Variants in ARB2A observed in about 807,000 individuals in gnomAD.
ARB2A encodes the protein ARB2 cotranscriptional regulator A.
chr5:93,750,789 T>C, the ARB2A span, among the ~76,000 whole-genome samples: 2 of 152,128 alleles, frequency 1.3e-5, no homozygotes, highest in African/African-American at 2.4e-5. Context: ...CCTCCCGAAG[T>C]GCTATGATAA....
At chr5:93,767,016 A>G in the ARB2A span, among the ~76,000 whole-genome samples, 1 of 134,610 alleles carries the variant, frequency 7.4e-6, no homozygotes, top group Non-Finnish European at 1.6e-5. Context: ...AGGAAGGGGA[A>G]CATCACACAC....
At chr5:93,774,489 A>G in the ARB2A span, among the ~76,000 whole-genome samples, 1 of 152,210 alleles carries the variant, frequency 6.6e-6, no homozygotes, top group Non-Finnish European at 1.5e-5. Flanking sequence ...CAGAATGGTG[A>G]AAAATTTGAG....
chr5:93,745,953 T>G, the ARB2A span, among the ~76,000 whole-genome samples: 698 of 152,222 alleles, frequency 4.6e-3, 6 homozygotes, highest in African/African-American at 0.016. Flanking sequence ...GACTAGATAC[T>G]GGGAACACCC....
the ARB2A span, among the ~76,000 whole-genome samples, chr5:94,042,034 T>G: frequency 6.6e-6 from 1 of 152,042 alleles, no homozygotes; most frequent in African/African-American, 2.4e-5. Flanking sequence ...GAAAGTGAAA[T>G]GTGTTTCTGA....
At chr5:93,975,259 G>A in the ARB2A span, among the ~76,000 whole-genome samples, 1 of 148,574 alleles carries the variant, frequency 6.7e-6, no homozygotes, top group East Asian at 2.0e-4. Flanking sequence ...GGAGCTTGCA[G>A]TGATCCGAGA....
the ARB2A span, among the ~76,000 whole-genome samples, chr5:93,860,309 C>T: frequency 3.9e-5 from 6 of 151,922 alleles, no homozygotes; most frequent in African/African-American, 1.2e-4. Context: ...AATAAAGAAT[C>T]TTATACTATA....
the ARB2A span, among the ~76,000 whole-genome samples, chr5:93,895,303 G>A: frequency 6.6e-6 from 1 of 152,280 alleles, no homozygotes; most frequent in South Asian, 2.1e-4. Context: ...TGCTTTCCGA[G>A]TCTTCCAAGT....
At chr5:94,069,574 A>T in the ARB2A span, among the ~76,000 whole-genome samples, 2 of 152,212 alleles carry the variant, frequency 1.3e-5, no homozygotes, top group African/African-American at 4.8e-5. Flanking sequence ...CAAGGAAATC[A>T]AACAATTCAG....
At chr5:93,641,452 T>C in the ARB2A span, among the ~76,000 whole-genome samples, 1 of 152,132 alleles carries the variant, frequency 6.6e-6, no homozygotes, top group Non-Finnish European at 1.5e-5. Flanking sequence ...AAGATTAATA[T>C]GGAGGAATAA....
the ARB2A span, among the ~76,000 whole-genome samples, chr5:94,081,083 A>G: frequency 6.6e-6 from 1 of 152,248 alleles, no homozygotes; most frequent in African/African-American, 2.4e-5. Flanking sequence ...CACATAAAAG[A>G]TGCTCAATAT....
At chr5:93,700,463 A>C in the ARB2A span, among the ~76,000 whole-genome samples, 1 of 152,152 alleles carries the variant, frequency 6.6e-6, no homozygotes, top group Admixed American at 6.5e-5. Flanking sequence ...AATGGTAGTT[A>C]TAATGATAAA....
At chr5:94,042,010 G>A in the ARB2A span, among the ~76,000 whole-genome samples, 17 of 152,100 alleles carry the variant, frequency 1.1e-4, no homozygotes, top group Non-Finnish European at 2.2e-4. Context: ...AGTTCTACAC[G>A]CAAGGTATGT....
the ARB2A span, among the ~76,000 whole-genome samples, chr5:93,855,389 T>A: frequency 6.6e-6 from 1 of 152,188 alleles, no homozygotes; most frequent in African/African-American, 2.4e-5. Context: ...TACAGCACAC[T>A]GATGGGTCTT....
At chr5:93,668,886 G>A in the ARB2A span, among the ~76,000 whole-genome samples, 44 of 152,230 alleles carry the variant, frequency 2.9e-4, no homozygotes, top group Admixed American at 2.5e-3. Flanking sequence ...TGCAGACATT[G>A]CATCTACTCA....
At chr5:93,643,061 T>A in the ARB2A span, among the ~76,000 whole-genome samples, 2 of 152,204 alleles carry the variant, frequency 1.3e-5, no homozygotes, top group African/African-American at 4.8e-5. Context: ...AATCAAGCAT[T>A]ATCTAAAGGA....
chr5:93,755,170 C>T, the ARB2A span, among the ~76,000 whole-genome samples: 1 of 152,126 alleles, frequency 6.6e-6, no homozygotes, highest in African/African-American at 2.4e-5. Flanking sequence ...AGAAAATACA[C>T]AAATTGTCCT....
chr5:93,691,236 T>A, the ARB2A span, among the ~76,000 whole-genome samples: 1 of 151,878 alleles, frequency 6.6e-6, no homozygotes, highest in Non-Finnish European at 1.5e-5. Flanking sequence ...CTCTGAGCTA[T>A]AGGAGCATGT....
the ARB2A span, among the ~76,000 whole-genome samples, chr5:94,020,051 G>A: frequency 2.0e-5 from 3 of 152,222 alleles, no homozygotes; most frequent in South Asian, 2.1e-4. Flanking sequence ...AAAGAAATGC[G>A]GCACATGTAC....
At chr5:93,893,087 C>A in the ARB2A span, among the ~76,000 whole-genome samples, 1 of 152,092 alleles carries the variant, frequency 6.6e-6, no homozygotes, top group Non-Finnish European at 1.5e-5. Flanking sequence ...CTTTTTATCA[C>A]CACCTTCTGT....
Sources: allele counts gnomAD v4.1 joint callset (sites outside exome capture counted in the v4.1 genomes callset), GRCh38; gene constraint gnomAD v4.1.1; transcripts MANE v1.5; gene names NCBI Gene and HGNC (gene_info 2026-07-23, HGNC 2026-07-21).